C16orf89: variants seen among roughly 807,000 people sequenced by gnomAD.
The protein encoded by C16orf89 is chromosome 16 open reading frame 89, also known as UPF0764 protein C16orf89.
C16orf89 carries 57 observed loss-of-function variants against 41.5 expected under a neutral mutation model. The observed-to-expected ratio is 1.38, with a 90% CI of 1.11 to 1.71. C16orf89 has a LOEUF of 1.71. C16orf89 is among the 40% of genes most tolerant of loss of function. C16orf89 has a pLI of 0.00. For synonymous variants in C16orf89, 223 were observed against 190.6 expected (o/e 1.17, Z -1.40); for missense variants, 575 against 445.9 (o/e 1.29, Z -2.61).
chr16:5,058,471 C>T (rs1313005032), intron 4 of C16orf89, 22 bp downstream of exon 4: 17 of 1,562,786 alleles, frequency 1.1e-5, no homozygotes, highest in Admixed American at 1.7e-5. Flanking sequence ...CCTGGCACGG[C>T]GGGGGCTCCC....
rs775745640 is a variant in C16orf89 at position 5,065,834 on chromosome 16, C to G, written c.75G>C (p.Gly25=). The G allele has an allele frequency of 5.6e-6, 9 of 1,614,224 alleles. No homozygotes were observed. In the East Asian group the frequency reaches 2.0e-4, roughly 36 times the overall value. ...TGGCTTTACTTTCAGCAGTGTCCAGCCCAGGCAGTGAGGAGGACCACAGCG... is the reference window on the plus strand; with the variant it reads ...TGGCTTTACTTTCAGCAGTGTCCAGGCCAGGCAGTGAGGAGGACCACAGCG... ...LPPLWSSSLP[G]LDTAESKATI... Residue 25 remains glycine (G), a synonymous_variant, in exon 1 of 8, where the codon GGG becomes GGC. Transcript: ENST00000472572.
chr16:5,062,805 T>A (rs951779005), intron 1 of C16orf89, among the ~76,000 whole-genome samples: 5 of 152,104 alleles, frequency 3.3e-5, no homozygotes, highest in Non-Finnish European at 7.4e-5. Flanking sequence ...GGCTGAGAGC[T>A]TGGTTTCTGG....
chr16:5,064,248 A>C (rs899152931), intron 1 of C16orf89, among the ~76,000 whole-genome samples: 27 of 152,302 alleles, frequency 1.8e-4, no homozygotes, highest in African/African-American at 6.0e-4. Flanking sequence ...CTTTCCACAA[A>C]ACCAGTCCCT....
chr16:5,050,986 T>C (rs1956385284), intron 6 of C16orf89, among the ~76,000 whole-genome samples: 1 of 152,198 alleles, frequency 6.6e-6, no homozygotes, highest in Admixed American at 6.5e-5. Flanking sequence ...GGAAAATGCA[T>C]GTGATGAAAT....
At chr16:5,060,500 TG>T in intron 2 of C16orf89, 64 bp from the exon 3 acceptor site, 3 of 1,491,538 alleles carry the variant, frequency 2.0e-6, no homozygotes, top group Non-Finnish European at 2.7e-6. Flanking sequence ...TGGGCCACCC[TG>T]GTGTCCCCAC....
intron 7 of C16orf89, among the ~76,000 whole-genome samples, chr16:5,045,734 TC>T (rs1956283931): frequency 6.6e-6 from 1 of 152,174 alleles, no homozygotes; most frequent in Non-Finnish European, 1.5e-5. Flanking sequence ...TGTGTGACTT[TC>T]GCAGCAAGTT....
intron 7 of C16orf89, among the ~76,000 whole-genome samples, 155 bp downstream of exon 7, chr16:5,047,723 C>T (rs1012572453): frequency 6.6e-6 from 1 of 152,168 alleles, no homozygotes; most frequent in African/African-American, 2.4e-5. Context: ...GGACCCCCAG[C>T]CTCCCTTCCA....
intron 6 of C16orf89, among the ~76,000 whole-genome samples, chr16:5,051,266 C>G (rs1956390671): frequency 6.6e-6 from 1 of 152,068 alleles, no homozygotes; most frequent in African/African-American, 2.4e-5. Context: ...CAAATTGTAC[C>G]TGTTTGCAGA....
chr16:5,047,491 A>C (rs977234552), intron 7 of C16orf89, among the ~76,000 whole-genome samples: 2 of 146,808 alleles, frequency 1.4e-5, no homozygotes, highest in African/African-American at 5.0e-5. Context: ...TTTTTGAGAC[A>C]GGGTCTTGCT....
At chr16:5,051,837 C>T (rs1482219384) in intron 6 of C16orf89, among the ~76,000 whole-genome samples, 4 of 152,078 alleles carry the variant, frequency 2.6e-5, no homozygotes, top group African/African-American at 9.7e-5. Flanking sequence ...CGGTGGCTGA[C>T]GCCTATAATC....
intron 6 of C16orf89, among the ~76,000 whole-genome samples, chr16:5,049,929 TCAA>T (rs1956366436): frequency 6.6e-6 from 1 of 151,272 alleles, no homozygotes; most frequent in South Asian, 2.1e-4. Flanking sequence ...TTAAAAAAGA[TCAA>T]CAGATAAATT....
At chr16:5,059,604 T>C (rs1470471980) in intron 3 of C16orf89, among the ~76,000 whole-genome samples, 1 of 152,178 alleles carries the variant, frequency 6.6e-6, no homozygotes, top group Non-Finnish European at 1.5e-5. Flanking sequence ...GGGCACCGGC[T>C]GCCCACTTTG....
intron 6 of C16orf89, among the ~76,000 whole-genome samples, chr16:5,053,896 C>T (rs1265517317): frequency 1.3e-5 from 2 of 152,158 alleles, no homozygotes; most frequent in Non-Finnish European, 2.9e-5. Context: ...AAAGAAATGA[C>T]AGATGTTTGA....
At chr16:5,046,968 T>C (rs1446458346) in intron 7 of C16orf89, among the ~76,000 whole-genome samples, 3 of 152,178 alleles carry the variant, frequency 2.0e-5, no homozygotes, top group Non-Finnish European at 4.4e-5. Flanking sequence ...ACCAAAACTG[T>C]TCTGGTCACT....
At position 5,065,692 on chromosome 16, in the gene C16orf89, C is replaced by T; in HGVS notation, c.208+9G>A. The T allele has an allele frequency of 6.2e-7, 1 of 1,608,346 alleles. No homozygotes were observed. Among genetic ancestry groups the T allele is most frequent in the Non-Finnish European group, 8.5e-7 (1 of 1,175,048 alleles). Reference sequence around the variant, plus strand: ...CAGTGTCCAGCCAGAGGAATTGGGGCTCACTCACCTTCCAGCACTCGGACC... The same window carrying T: ...CAGTGTCCAGCCAGAGGAATTGGGGTTCACTCACCTTCCAGCACTCGGACC... On this transcript the variant is annotated intron_variant, in intron 1 of 7. Coordinates refer to ENST00000472572, the MANE Select transcript of C16orf89 (RefSeq NM_001098514.3).
intron 2 of C16orf89, among the ~76,000 whole-genome samples, chr16:5,061,618 A>G (rs969350836): frequency 6.6e-6 from 1 of 151,840 alleles, no homozygotes; most frequent in African/African-American, 2.4e-5. Context: ...GCCCAGTCAT[A>G]GATATCTTTA....
Position 5,060,421 on chromosome 16 carries a change from A to G in C16orf89, c.374T>C (p.Leu125Pro), listed in dbSNP as rs752042910. 1.9e-6 allele frequency: 3 copies of G among 1,612,486 alleles called. No individual in the cohort carries two copies. The highest frequency in any genetic ancestry group is 2.5e-6 in the Non-Finnish European group (3 of 1,179,458). Residue 125 changes from leucine (L) to proline (P), a missense_variant, in exon 3 of 8, where the codon CTC becomes CCC. Physicochemically the swap from Leu to Pro is moderately conservative, Grantham distance 98. Coordinates refer to ENST00000472572, the MANE Select transcript of C16orf89 (RefSeq NM_001098514.3). Reference sequence around the variant, plus strand: ...TGGGAGCTTCCAAAACCCGGGCTGGAGGGTCAGCTGGAACTCTGGCAGAGA... The same window carrying G: ...TGGGAGCTTCCAAAACCCGGGCTGGGGGGTCAGCTGGAACTCTGGCAGAGA... ...PKYLREFQLT[L>P]QPGFWKLPHA...
intron 1 of C16orf89, among the ~76,000 whole-genome samples, chr16:5,064,400 C>T (rs1005772195): frequency 6.6e-6 from 1 of 152,218 alleles, no homozygotes; most frequent in African/African-American, 2.4e-5. Context: ...ACAGTAATGG[C>T]TGACAAGTAC....
downstream of C16orf89, chr16:5,044,001 A>T: frequency 8.9e-6 from 2 of 225,218 alleles, no homozygotes; most frequent in African/African-American, 6.0e-5. Flanking sequence ...CTATTAATTA[A>T]AAAAAAAAAA....
Sources: allele counts gnomAD v4.1 joint callset (sites outside exome capture counted in the v4.1 genomes callset), GRCh38; gene constraint gnomAD v4.1.1; transcripts MANE v1.5; gene names NCBI Gene and HGNC (gene_info 2026-07-23, HGNC 2026-07-21).